Variants in VTI1A observed in about 807,000 individuals in gnomAD.
VTI1A encodes vesicle transport through interaction with t-SNAREs homolog 1A.
Under a neutral mutation model 34.9 loss-of-function variants are expected in VTI1A, and 22 were observed. The observed-to-expected ratio is 0.63, with a 90% CI of 0.45 to 0.90. The LOEUF (loss-of-function observed/expected upper bound fraction) is 0.90. Ranked by LOEUF, VTI1A falls within the 40% of genes least tolerant of loss-of-function variation. The probability of loss-of-function intolerance (pLI) is 0.00; values close to 1 mark genes in which losing one functional copy is unlikely to be tolerated. For missense variants in VTI1A, 268 were observed against 275.6 expected (o/e 0.97, Z 0.20); for synonymous variants, 87 against 97.3 (o/e 0.89, Z 0.62).
At chr10:112,581,140 A>G (rs1305693795) in intron 5 of VTI1A, among the ~76,000 whole-genome samples, 2 of 152,218 alleles carry the variant, frequency 1.3e-5, no homozygotes, top group African/African-American at 2.4e-5. Context: ...CTCTGGCAGA[A>G]GATGGAACAC....
intron 3 of VTI1A, among the ~76,000 whole-genome samples, chr10:112,470,965 A>G (rs1485954003): frequency 1.3e-5 from 2 of 152,022 alleles, no homozygotes; most frequent in African/African-American, 4.8e-5. Context: ...AGATCTGGGT[A>G]AAGCCAATAC....
At chr10:112,761,849 G>A (rs537662272) in intron 7 of VTI1A, among the ~76,000 whole-genome samples, 2 of 55,734 alleles carry the variant, frequency 3.6e-5, no homozygotes, top group South Asian at 3.2e-4. Context: ...GTATCTTTGT[G>A]TATCTATACA....
At chr10:112,812,537 C>A (rs1853354969) in intron 7 of VTI1A, among the ~76,000 whole-genome samples, 1 of 152,086 alleles carries the variant, frequency 6.6e-6, no homozygotes, top group Non-Finnish European at 1.5e-5. Flanking sequence ...GCCTGTATTT[C>A]CCCCTTCCAA....
chr10:112,701,197 G>A (rs1410636284), intron 7 of VTI1A, among the ~76,000 whole-genome samples: 1 of 152,192 alleles, frequency 6.6e-6, no homozygotes, highest in African/African-American at 2.4e-5. Flanking sequence ...ATTTAAAGGT[G>A]ACTGAAATCC....
At chr10:112,781,695 G>T (rs1393634266) in intron 7 of VTI1A, among the ~76,000 whole-genome samples, 1 of 151,430 alleles carries the variant, frequency 6.6e-6, no homozygotes. Context: ...ACAAAAATTA[G>T]TGGGGTGTGA....
downstream of VTI1A, among the ~76,000 whole-genome samples, chr10:112,819,633 A>T (rs1215268692): frequency 6.6e-6 from 1 of 152,144 alleles, no homozygotes; most frequent in Non-Finnish European, 1.5e-5. Flanking sequence ...CTTTGCTGAG[A>T]TGGGCCTTCT....
chr10:112,611,820 C>A (rs991746201), intron 5 of VTI1A, among the ~76,000 whole-genome samples: 4 of 145,040 alleles, frequency 2.8e-5, no homozygotes, highest in Admixed American at 2.1e-4. Context: ...CAGCTCACTG[C>A]AAGCTCCATC....
In VTI1A at chr10:112,736,094, CAT is replaced by C. The variant is rs1220050527; in HGVS notation, c.560+67103_560+67104del. ...ATATTTTTATATATAGTATATTTTACATATATATGTGTGTGTGTATATATATA... is the reference window on the plus strand; with the variant it reads ...ATATTTTTATATATAGTATATTTTACATATATGTGTGTGTGTATATATATA... On this transcript the variant is annotated intron_variant, in intron 7 of 7. Coordinates refer to ENST00000393077, the MANE Select transcript of VTI1A (RefSeq NM_145206.4). Among the ~76,000 whole-genome samples the C allele has an allele frequency of 1.4e-3, 133 of 95,876 alleles. No individual in the cohort carries two copies. The East Asian group carries it at 0.024, about 17-fold the overall frequency. The allele number at this position is 95,876 out of a possible 152,430, so 62.9% of individuals were successfully genotyped here. A position where few individuals can be genotyped will look rare whatever the true frequency, so the allele number is the denominator to read the frequency against.
At chr10:112,588,105 A>C (rs957791549) in intron 5 of VTI1A, among the ~76,000 whole-genome samples, 2 of 152,198 alleles carry the variant, frequency 1.3e-5, no homozygotes, top group African/African-American at 2.4e-5. Context: ...CTTGTGCAGT[A>C]TCTTCTAACT....
chr10:112,810,056 TC>T (rs1397303595), intron 7 of VTI1A, among the ~76,000 whole-genome samples: 1 of 152,000 alleles, frequency 6.6e-6, no homozygotes, highest in Non-Finnish European at 1.5e-5. Flanking sequence ...CAGTTTATTT[TC>T]TCATATAAGT....
intron 5 of VTI1A, among the ~76,000 whole-genome samples, chr10:112,646,700 G>A (rs1397270090): frequency 1.3e-5 from 2 of 151,926 alleles, no homozygotes; most frequent in African/African-American, 2.4e-5. Context: ...TAGTAGAAAC[G>A]GGGTTTCACC....
chr10:112,839,739 C>T, the VTI1A span, among the ~76,000 whole-genome samples: 1 of 152,184 alleles, frequency 6.6e-6, no homozygotes, highest in Admixed American at 6.5e-5. Context: ...CCTCCCCCAT[C>T]ATGATTTGCC....
At chr10:112,542,700 C>T (rs559497014) in intron 5 of VTI1A, among the ~76,000 whole-genome samples, 31 of 152,240 alleles carry the variant, frequency 2.0e-4, no homozygotes, top group Middle Eastern at 3.4e-3. Context: ...CTCTTTAATC[C>T]TCACCACAAA....
chr10:112,577,069 T>C (rs1843740157), intron 5 of VTI1A, among the ~76,000 whole-genome samples: 1 of 152,318 alleles, frequency 6.6e-6, no homozygotes, highest in South Asian at 2.1e-4. Flanking sequence ...AGCTCTAACT[T>C]AGAGCTTGTA....
At position 112,811,712 on chromosome 10, in the gene VTI1A, A is replaced by AAGAG. The variant is rs67154330; in HGVS notation, c.561-3578_561-3577insAGAG. On this transcript the variant is annotated intron_variant, in intron 7 of 7. Transcript: ENST00000393077. ...AAAAAAAAAAAAAAAAAAAAAAAAA[A>AAGAG]GAGTGCAGTCCATGCCTGGAAGTAG... Among the ~76,000 whole-genome samples the AAGAG allele has an allele frequency of 2.4e-5, 2 of 84,066 alleles. 1 individual carries two copies. Among genetic ancestry groups the AAGAG allele is most frequent in the Non-Finnish European group, 4.5e-5 (2 of 44,332 alleles). 55.2% of individuals were successfully genotyped at this position (84,066 alleles called of 152,430 possible). A position where few individuals can be genotyped will look rare whatever the true frequency, so the allele number is the denominator to read the frequency against.
intron 5 of VTI1A, among the ~76,000 whole-genome samples, chr10:112,659,920 G>T (rs1009396462): frequency 6.6e-6 from 1 of 151,236 alleles, no homozygotes; most frequent in Non-Finnish European, 1.5e-5. Context: ...GCAGTCTAAT[G>T]TTGGGGACTT....
At chr10:112,548,695 T>C in intron 5 of VTI1A, 1 of 1,277,378 alleles carries the variant, frequency 7.8e-7, no homozygotes, top group Non-Finnish European at 1.1e-6. Context: ...TCTTGTCCAC[T>C]GCTTTGATGA....
the VTI1A span, among the ~76,000 whole-genome samples, chr10:112,855,146 G>A: frequency 4.4e-4 from 67 of 152,198 alleles, no homozygotes; most frequent in African/African-American, 1.5e-3. Context: ...TGGGAAGCTC[G>A]ACCCAGGATG....
At chr10:112,506,527 A>G (rs949173680) in intron 3 of VTI1A, among the ~76,000 whole-genome samples, 2 of 152,154 alleles carry the variant, frequency 1.3e-5, no homozygotes, top group Non-Finnish European at 2.9e-5. Context: ...TTCAAACAAT[A>G]TCATATTACT....
Sources: allele counts gnomAD v4.1 joint callset (sites outside exome capture counted in the v4.1 genomes callset), GRCh38; gene constraint gnomAD v4.1.1; transcripts MANE v1.5; gene names NCBI Gene and HGNC (gene_info 2026-07-23, HGNC 2026-07-21).